TRAK1: variants seen among roughly 807,000 people sequenced by gnomAD.
TRAK1 encodes trafficking kinesin-binding protein 1.
Under a neutral mutation model 92.1 loss-of-function variants are expected in TRAK1, and 33 were observed. The observed-to-expected ratio is 0.36, with a 90% CI of 0.27 to 0.48. TRAK1 has a LOEUF of 0.48. Among genes scored for constraint, TRAK1 ranks in the 20% least tolerant of loss-of-function variants. The pLI is 0.99. For missense variants in TRAK1, 1,123 were observed against 1,257.9 expected (o/e 0.89, Z 1.62); for synonymous variants, 521 against 517.3 (o/e 1.01, Z -0.10).
At chr3:42,171,109 G>C (rs4683350) in intron 2 of TRAK1, among the ~76,000 whole-genome samples, 116,574 of 152,016 alleles carry the variant, frequency 0.77, 44,985 homozygotes, top group East Asian at 0.99. Flanking sequence ...GCCACCGCGC[G>C]TGGCCCTGAA....
intron 14 of TRAK1, chr3:42,210,706 C>CT: frequency 1.0e-6 from 1 of 987,778 alleles, no homozygotes; most frequent in Non-Finnish European, 1.2e-6. Flanking sequence ...TTCTTTTCAG[C>CT]TTACACATGT....
At chr3:42,199,744 C>T (rs1707257354) in intron 11 of TRAK1, among the ~76,000 whole-genome samples, 1 of 152,232 alleles carries the variant, frequency 6.6e-6, no homozygotes, top group Admixed American at 6.5e-5. Context: ...CAGGCGTGAG[C>T]CACCACTGGC....
chr3:42,160,266 G>C, intron 2 of TRAK1: 2 of 1,550,746 alleles, frequency 1.3e-6, no homozygotes. Flanking sequence ...GTGCCCTGGG[G>C]GCCCAGGCCT....
At chr3:42,195,070 T>A in intron 10 of TRAK1, 129 bp downstream of exon 10, 2 of 1,173,204 alleles carry the variant, frequency 1.7e-6, no homozygotes, top group Non-Finnish European at 2.3e-6. Context: ...CAGATCTGAG[T>A]CTGAATCAAG....
At chr3:42,121,259 CT>C (rs397959962) in intron 1 of TRAK1, among the ~76,000 whole-genome samples, 368 of 131,752 alleles carry the variant, frequency 2.8e-3, no homozygotes, top group Admixed American at 3.0e-3. Context: ...CTGGGGAATT[CT>C]TTTTTTTTTT....
At chr3:42,207,612 A>C (rs1366822468) in intron 13 of TRAK1, among the ~76,000 whole-genome samples, 2 of 152,208 alleles carry the variant, frequency 1.3e-5, no homozygotes, top group Admixed American at 1.3e-4. Context: ...AGCTGATATA[A>C]TACATGTAAA....
In TRAK1 at chr3:42,201,158, A is replaced by C. The variant is rs577424854; in HGVS notation, c.1427+104A>C. On this transcript the variant is annotated intron_variant, in intron 12 of 15. Coordinates refer to ENST00000327628, the MANE Select transcript of TRAK1 (RefSeq NM_001042646.3). ...ATTAAGAGGGAGGTAGATGAGAGTC[A>C]CCTGAAAAATACAGACCTGGCCGGG... The C allele has an allele frequency of 8.6e-6, 11 of 1,277,706 alleles. No homozygotes were observed. The South Asian group carries it at 1.2e-4, about 14-fold the overall frequency. The allele number at this position is 1,277,706 out of a possible 1,614,324, so 79.1% of individuals were successfully genotyped here.
At chr3:42,132,102 C>G (rs1246484205) in intron 2 of TRAK1, among the ~76,000 whole-genome samples, 3 of 152,074 alleles carry the variant, frequency 2.0e-5, no homozygotes, top group Non-Finnish European at 2.9e-5. Flanking sequence ...AGCCCTGGAA[C>G]CAGTCCCCTG....
At chr3:42,040,175 C>T (rs141602071) in intron 1 of TRAK1, among the ~76,000 whole-genome samples, 27 of 152,120 alleles carry the variant, frequency 1.8e-4, no homozygotes, top group African/African-American at 6.3e-4. Flanking sequence ...TACAGCACAA[C>T]ATTTTTAATT....
chr3:42,195,665 T>G (rs915503710), intron 10 of TRAK1, among the ~76,000 whole-genome samples: 2 of 152,122 alleles, frequency 1.3e-5, no homozygotes, highest in East Asian at 3.9e-4. Context: ...TTTGCTCCCA[T>G]GCATCAAAGT....
intron 1 of TRAK1, among the ~76,000 whole-genome samples, chr3:42,098,766 C>A (rs1291484158): frequency 6.6e-6 from 1 of 152,166 alleles, no homozygotes; most frequent in East Asian, 1.9e-4. Context: ...GCCTTTTGAG[C>A]ATGGGAGTCC....
chr3:42,024,157 C>T (rs1006832113), intron 1 of TRAK1, among the ~76,000 whole-genome samples: 2 of 152,058 alleles, frequency 1.3e-5, no homozygotes, highest in Non-Finnish European at 2.9e-5. Context: ...GGGACCATTC[C>T]TGTGTAGTGA....
At chr3:42,111,702 T>C (rs1708428091) in intron 1 of TRAK1, among the ~76,000 whole-genome samples, 1 of 152,156 alleles carries the variant, frequency 6.6e-6, no homozygotes. Flanking sequence ...GCCCTAGTTA[T>C]GGTAATCTTA....
chr3:42,088,971 C>T (rs891043223), upstream of TRAK1, among the ~76,000 whole-genome samples: 4 of 152,162 alleles, frequency 2.6e-5, no homozygotes, highest in Admixed American at 2.6e-4. Context: ...TCGGTGGTTT[C>T]TGTACTCAGC....
At chr3:42,222,856 A>G in intron 15 of TRAK1, 86 bp from the exon 16 acceptor site, 1 of 1,469,506 alleles carries the variant, frequency 6.8e-7, no homozygotes. Context: ...GGTCGTCCCT[A>G]CCCCCCCTGC....
rs574802279 is a variant in TRAK1, at chr3:42,078,735, A to G, written c.-518-8369A>G. 6.3e-5 allele frequency among the ~76,000 whole-genome samples: 9 copies of G among 143,466 alleles called. No individual in the cohort carries two copies. The East Asian group carries it at 1.9e-3, about 30-fold the overall frequency. The allele number at this position is 143,466 out of a possible 152,430, so 94.1% of individuals were successfully genotyped here. A position where few individuals can be genotyped will look rare whatever the true frequency, so the allele number is the denominator to read the frequency against. ...GCCCCTGCACTCCAGCCTGGGAGAC[A>G]GAGGGAGATTCCATCTCAAAAAAAA... is the stretch of plus-strand genomic sequence containing the variant. On this transcript the variant is annotated intron_variant, in intron 1 of 16. Transcript: ENST00000487159.
At chr3:42,147,794 C>T (rs1017381023) in intron 2 of TRAK1, among the ~76,000 whole-genome samples, 1 of 152,192 alleles carries the variant, frequency 6.6e-6, no homozygotes, top group African/African-American at 2.4e-5. Context: ...AAGGGCCAGA[C>T]ATGGCTGTAA....
intron 1 of TRAK1, among the ~76,000 whole-genome samples, chr3:42,113,203 A>G (rs1016057776): frequency 1.3e-5 from 2 of 152,234 alleles, no homozygotes; most frequent in East Asian, 1.9e-4. Flanking sequence ...TAATTGCATC[A>G]CTGCACTTCA....
chr3:42,058,317 C>G (rs574582960), intron 1 of TRAK1, among the ~76,000 whole-genome samples: 192 of 152,030 alleles, frequency 1.3e-3, no homozygotes, highest in South Asian at 3.1e-3. Context: ...CTGGAGGGAA[C>G]CTTTATTTTT....
Sources: allele counts gnomAD v4.1 joint callset (sites outside exome capture counted in the v4.1 genomes callset), GRCh38; gene constraint gnomAD v4.1.1; transcripts MANE v1.5; gene names NCBI Gene and HGNC (gene_info 2026-07-23, HGNC 2026-07-21).